Variants in RALGAPA2 observed in about 807,000 individuals in gnomAD.
The protein encoded by RALGAPA2 is ral GTPase-activating protein subunit alpha-2.
A neutral mutation model predicts 230.4 loss-of-function variants in RALGAPA2; 139 were observed. The observed-to-expected ratio is 0.60, with a 90% CI of 0.53 to 0.69. The LOEUF is 0.69. RALGAPA2 is among the 30% of genes least tolerant of loss of function. The pLI is 0.00. For missense variants in RALGAPA2, 2,163 were observed against 2,276.0 expected, an observed-to-expected ratio of 0.95 and a Z score of 1.01; for synonymous variants, 847 against 837.8, an observed-to-expected ratio of 1.01 and a Z score of -0.19.
chr20:20,679,092 C>A (rs905269823), intron 2 of RALGAPA2, among the ~76,000 whole-genome samples: 1 of 152,094 alleles, frequency 6.6e-6, no homozygotes, highest in Admixed American at 6.6e-5. Context: ...GGCAATAACA[C>A]GATTTCACCT....
intron 37 of RALGAPA2, among the ~76,000 whole-genome samples, chr20:20,424,802 TA>T (rs1022266094): frequency 1.4e-3 from 199 of 142,228 alleles, no homozygotes; most frequent in Middle Eastern, 3.5e-3. Context: ...AAAGTATAAT[TA>T]AAAAAAAAAA....
At chr20:20,590,149 CAAG>C in intron 17 of RALGAPA2, among the ~76,000 whole-genome samples, 1 of 152,006 alleles carries the variant, frequency 6.6e-6, no homozygotes, top group East Asian at 1.9e-4. Flanking sequence ...TAGCAATTTT[CAAG>C]AATACAATAC....
chr20:20,685,760 T>C (rs527285166), intron 1 of RALGAPA2, among the ~76,000 whole-genome samples: 17 of 152,240 alleles, frequency 1.1e-4, no homozygotes, highest in South Asian at 8.3e-4. Flanking sequence ...CTCCTGGAAC[T>C]TGCCCCACAG....
At chr20:20,614,051 T>C (rs1003936650) in intron 13 of RALGAPA2, among the ~76,000 whole-genome samples, 5 of 152,148 alleles carry the variant, frequency 3.3e-5, no homozygotes, top group African/African-American at 1.2e-4. Context: ...TCGATAGTTA[T>C]TTATTAGATG....
chr20:20,653,195 C>CAAAAAAAAAAAAA (rs60906434), intron 4 of RALGAPA2, among the ~76,000 whole-genome samples: 9 of 27,528 alleles, frequency 3.3e-4, no homozygotes, highest in East Asian at 1.3e-3. Flanking sequence ...GACTCCATCT[C>CAAAAAAAAAAAAA]AAAAAAAAAA....
intron 36 of RALGAPA2, among the ~76,000 whole-genome samples, chr20:20,488,816 T>TA (rs1490978331): frequency 6.6e-6 from 1 of 152,220 alleles, no homozygotes; most frequent in Admixed American, 6.5e-5. Flanking sequence ...TACTAAAATT[T>TA]AGATTCCAGG....
At chr20:20,414,939 A>G (rs2060137069) in intron 37 of RALGAPA2, among the ~76,000 whole-genome samples, 1 of 152,258 alleles carries the variant, frequency 6.6e-6, no homozygotes, top group Non-Finnish European at 1.5e-5. Context: ...ATCATCAAAT[A>G]CATTTTCGCT....
intron 37 of RALGAPA2, among the ~76,000 whole-genome samples, chr20:20,459,595 C>G (rs2061254026): frequency 6.6e-6 from 1 of 151,990 alleles, no homozygotes. Flanking sequence ...GGCGACCATA[C>G]AGCCTCAAGA....
chr20:20,600,100 G>A (rs1219918412), intron 16 of RALGAPA2, among the ~76,000 whole-genome samples: 1 of 151,918 alleles, frequency 6.6e-6, no homozygotes, highest in African/African-American at 2.4e-5. Context: ...TACGAGAACA[G>A]TCTGGCCAAC....
Position 20,499,778 on chromosome 20 carries a change from C to T in RALGAPA2, c.5208+3573G>A, listed in dbSNP as rs532612082. Among the ~76,000 whole-genome samples, 11 of 152,352 alleles carry T rather than the reference C, an allele frequency of 7.2e-5. No homozygotes were observed. In the East Asian group the frequency reaches 1.5e-3, roughly 21 times the overall value. On this transcript the variant is annotated intron_variant, in intron 35 of 39. Coordinates refer to ENST00000202677, the MANE Select transcript of RALGAPA2 (RefSeq NM_020343.4). ...ACTTTCTACATCTGAGACACTTGAT[C>T]ACTACGGAAGTTGTCTGTAATTGGG...
chr20:20,634,609 T>C (rs1440414580), intron 9 of RALGAPA2, among the ~76,000 whole-genome samples: 1 of 152,224 alleles, frequency 6.6e-6, no homozygotes, highest in African/African-American at 2.4e-5. Flanking sequence ...CTGTGCATTC[T>C]TTCAGCTCAG....
chr20:20,558,285 G>A (rs2064150141), intron 23 of RALGAPA2, among the ~76,000 whole-genome samples: 3 of 152,116 alleles, frequency 2.0e-5, no homozygotes, highest in Admixed American at 2.0e-4. Context: ...GGATTACAGG[G>A]AAAAGGCACC....
At chr20:20,444,120 G>A (rs1036733842) in intron 37 of RALGAPA2, among the ~76,000 whole-genome samples, 8 of 152,170 alleles carry the variant, frequency 5.3e-5, no homozygotes, top group Non-Finnish European at 8.8e-5. Flanking sequence ...CCAGGGTTGG[G>A]AACCATGGTT....
chr20:20,581,026 C>G (rs758211931), intron 20 of RALGAPA2, among the ~76,000 whole-genome samples: 1 of 152,140 alleles, frequency 6.6e-6, no homozygotes, highest in Non-Finnish European at 1.5e-5. Flanking sequence ...AATCCTTAAG[C>G]CTTATCACAT....
intron 3 of RALGAPA2, among the ~76,000 whole-genome samples, chr20:20,668,586 C>T (rs2068034004): frequency 6.6e-6 from 1 of 152,070 alleles, no homozygotes; most frequent in African/African-American, 2.4e-5. Flanking sequence ...CATTAGGAAA[C>T]TAAGGCATAG....
At chr20:20,509,782 C>T (rs2062648806) in intron 33 of RALGAPA2, among the ~76,000 whole-genome samples, 1 of 152,162 alleles carries the variant, frequency 6.6e-6, no homozygotes, top group Admixed American at 6.5e-5. Context: ...ATCTTAATAC[C>T]ATATGCTTCT....
At position 20,396,745 on chromosome 20, in the gene RALGAPA2, A is replaced by T; in HGVS notation, c.5618-11T>A. 6.3e-7 allele frequency: 1 copy of T among 1,597,086 alleles called. No homozygotes were observed. The highest frequency in any genetic ancestry group is 8.6e-7 in the Non-Finnish European group (1 of 1,167,520). The stretch of plus-strand genomic sequence containing the variant: ...TTTACGTGTTTTAATCTGAAGGGAA[A>T]GAACACAAAATGGAATGAATACAAA... On this transcript the variant is annotated splice_polypyrimidine_tract_variant and intron_variant, in intron 38 of 39. Transcript: ENST00000202677.
At chr20:20,432,773 T>A (rs2060527169) in intron 37 of RALGAPA2, among the ~76,000 whole-genome samples, 1 of 152,214 alleles carries the variant, frequency 6.6e-6, no homozygotes, top group Non-Finnish European at 1.5e-5. Flanking sequence ...TAGCCTCATT[T>A]CTGAATATTT....
In RALGAPA2 at chr20:20,398,593, T is replaced by C. The variant is rs1205710601; in HGVS notation, c.5618-1859A>G. On this transcript the variant is annotated intron_variant, in intron 38 of 39. Transcript: ENST00000202677. This position sits in a 1 kb window ranked among gnomAD's most constrained non-coding sequence, Gnocchi z 4.5. ...GAGGAGTAAGCTGTCAGCTTCCTGATACATCTCTGGGGTACGCACAGGGCA... is the reference window on the plus strand; with the variant it reads ...GAGGAGTAAGCTGTCAGCTTCCTGACACATCTCTGGGGTACGCACAGGGCA... Among the ~76,000 whole-genome samples the C allele has an allele frequency of 6.6e-6, 1 of 152,008 alleles. No homozygotes were observed. Among genetic ancestry groups the C allele is most frequent in the Non-Finnish European group, 1.5e-5 (1 of 68,006 alleles).
Sources: gnomAD v4.1 joint callset for allele counts (sites outside exome capture counted in the v4.1 genomes callset) on GRCh38, gnomAD v4.1.1 for gene constraint, Gnocchi (gnomAD v3.1) non-coding constraint, MANE v1.5 for transcripts, NCBI Gene and HGNC (gene_info 2026-07-23, HGNC 2026-07-21) for gene names.